The following KCNN2 variants were observed in gnomAD, a reference collection of about 807,000 sequenced individuals.
KCNN2 encodes potassium calcium-activated channel subfamily N member 2.
Under a neutral mutation model 55.5 loss-of-function variants are expected in KCNN2, and 24 were observed. The observed-to-expected ratio is 0.43, with a 90% CI of 0.31 to 0.61. KCNN2 has a LOEUF of 0.61. Ranked by LOEUF, KCNN2 falls within the 20% of genes least tolerant of loss-of-function variation. The pLI is 0.08. For synonymous variants in KCNN2, 431 were observed against 336.1 expected (o/e 1.28, Z -3.09); for missense variants, 754 against 853.6 (o/e 0.88, Z 1.45).
chr5:114,183,635 T>C (rs1486251271), intron 1 of KCNN2, among the ~76,000 whole-genome samples: 1 of 152,100 alleles, frequency 6.6e-6, no homozygotes, highest in African/African-American at 2.4e-5. Context: ...GTAAAATTAT[T>C]CATAATATAC....
chr5:114,433,677 C>G (rs1342573921), intron 3 of KCNN2: 1 of 152,444 alleles, frequency 6.6e-6, no homozygotes, highest in Non-Finnish European at 1.5e-5. Flanking sequence ...AGCCCACGAG[C>G]CCACAGGGAG....
chr5:114,149,195 T>TTTA (rs1002746771), intron 1 of KCNN2, among the ~76,000 whole-genome samples: 28 of 152,206 alleles, frequency 1.8e-4, no homozygotes, highest in African/African-American at 6.5e-4. Flanking sequence ...TGTCCCATAA[T>TTTA]AACCCTGGAA....
rs188886326 is a variant in KCNN2 at position 114,460,160 on chromosome 5, A to G, written c.1638-2889A>G. ...AGGTACCCCCTAGAAATCTTTGTTT[A>G]TCGTATGAAATCTCTTACTTCTCTT... On this transcript the variant is annotated intron_variant, in intron 3 of 7. Transcript: ENST00000673685. Among the ~76,000 whole-genome samples, 7 of 152,280 alleles carry G rather than the reference A, an allele frequency of 4.6e-5. No individual in the cohort carries two copies. The East Asian group carries it at 9.7e-4, about 21-fold the overall frequency.
intron 3 of KCNN2, among the ~76,000 whole-genome samples, chr5:114,408,001 T>C (rs1758992771): frequency 6.6e-6 from 1 of 152,196 alleles, no homozygotes; most frequent in South Asian, 2.1e-4. Context: ...TATGCCTTTT[T>C]TGAACCTGTC....
intron 3 of KCNN2, among the ~76,000 whole-genome samples, chr5:114,446,145 A>C (rs1479991903): frequency 6.6e-6 from 1 of 152,200 alleles, no homozygotes; most frequent in Non-Finnish European, 1.5e-5. Context: ...AAATGAGTCT[A>C]AACTCATTTC....
At chr5:114,480,205 C>T (rs989832760) in intron 5 of KCNN2, among the ~76,000 whole-genome samples, 35 of 152,110 alleles carry the variant, frequency 2.3e-4, no homozygotes, top group Non-Finnish European at 3.2e-4. Context: ...GAAATACAGA[C>T]GACCATCAGA....
intron 3 of KCNN2, among the ~76,000 whole-genome samples, chr5:114,462,386 T>C (rs1415010887): frequency 1.3e-5 from 2 of 152,206 alleles, no homozygotes; most frequent in African/African-American, 4.8e-5. Flanking sequence ...AGACAACTTC[T>C]ATTAAGCTCT....
intron 5 of KCNN2, among the ~76,000 whole-genome samples, chr5:114,483,486 C>T (rs1017809694): frequency 7.9e-5 from 12 of 151,846 alleles, no homozygotes; most frequent in African/African-American, 2.4e-4. Context: ...ATGTTGGCCA[C>T]GCTGGTCAAA....
intron 1 of KCNN2, among the ~76,000 whole-genome samples, chr5:114,155,267 T>C (rs928864486): frequency 2.6e-5 from 4 of 152,318 alleles, no homozygotes; most frequent in Admixed American, 1.3e-4. Flanking sequence ...ATGTACCACA[T>C]TTTCTTTATC....
chr5:114,056,358 A>T (rs972057973), exon 1 of KCNN2: 1 of 398,430 alleles, frequency 2.5e-6, no homozygotes, highest in African/African-American at 2.1e-5. Context: ...AGATGGAAAC[A>T]GTTTCTCCCG....
rs190840953 is a variant in KCNN2 at position 114,145,466 on chromosome 5, A to T, written c.-270-76014A>T. 1.2e-4 allele frequency among the ~76,000 whole-genome samples: 18 copies of T among 152,312 alleles called. No individual in the cohort carries two copies. In the East Asian group the frequency reaches 3.3e-3, roughly 28 times the overall value. The stretch of plus-strand genomic sequence containing the variant: ...ATTTTGATCTGCCTTAGAAGTTTTA[A>T]TGAGAGCCCTGATACCAAGTGTCCT... On this transcript the variant is annotated intron_variant, in intron 1 of 10. Transcript: ENST00000512097.
chr5:114,167,239 C>G (rs4582265), intron 1 of KCNN2, among the ~76,000 whole-genome samples: 66,194 of 151,790 alleles, frequency 0.44, 15,267 homozygotes, highest in Middle Eastern at 0.55. Context: ...ATAAGCCATC[C>G]CTGGTGTGCC....
Position 114,228,309 on chromosome 5 carries a change from A to G in KCNN2, c.-185+6744A>G, listed in dbSNP as rs1049085225. Among the ~76,000 whole-genome samples the G allele has an allele frequency of 3.3e-5, 5 of 152,250 alleles. No homozygotes were observed. The East Asian group carries it at 9.6e-4, about 29-fold the overall frequency. ...GGTTCTGTTACATGAAGTAAACAAT[A>G]GATTTATGTAACAGCATGTAGAGTA... On this transcript the variant is annotated intron_variant, in intron 2 of 10. Coordinates refer to the KCNN2 transcript ENST00000512097.
At chr5:114,168,780 A>C (rs1174657606) in intron 1 of KCNN2, among the ~76,000 whole-genome samples, 1 of 152,110 alleles carries the variant, frequency 6.6e-6, no homozygotes, top group African/African-American at 2.4e-5. Context: ...ATATATGGCT[A>C]GTGGATCCAA....
At chr5:114,213,286 G>T (rs573756861) in intron 1 of KCNN2, among the ~76,000 whole-genome samples, 13 of 151,764 alleles carry the variant, frequency 8.6e-5, no homozygotes, top group Non-Finnish European at 1.8e-4. Flanking sequence ...CCTATTTGCT[G>T]TTTCAATTTG....
At chr5:114,443,635 G>T (rs1580841986) in intron 3 of KCNN2, among the ~76,000 whole-genome samples, 1 of 152,170 alleles carries the variant, frequency 6.6e-6, no homozygotes, top group East Asian at 1.9e-4. Context: ...TTATTTTTCT[G>T]CCCTCAGGGG....
At chr5:114,484,306 G>C (rs1056402957) in intron 5 of KCNN2, among the ~76,000 whole-genome samples, 1 of 152,008 alleles carries the variant, frequency 6.6e-6, no homozygotes, top group Admixed American at 6.6e-5. Flanking sequence ...AGGATACAAA[G>C]GAAACTTTCC....
chr5:114,154,880 T>A (rs1195793966), intron 1 of KCNN2, among the ~76,000 whole-genome samples: 1 of 152,198 alleles, frequency 6.6e-6, no homozygotes, highest in African/African-American at 2.4e-5. Context: ...CTAGGGAACA[T>A]TCTTTTTTTT....
intron 2 of KCNN2, among the ~76,000 whole-genome samples, chr5:114,232,838 G>A (rs1754388717): frequency 6.7e-6 from 1 of 149,974 alleles, no homozygotes; most frequent in Non-Finnish European, 1.5e-5. Flanking sequence ...ATTGATTAGT[G>A]GTGCTGATCA....
Sources: gnomAD v4.1 joint callset for allele counts (sites outside exome capture counted in the v4.1 genomes callset) on GRCh38, gnomAD v4.1.1 for gene constraint, MANE v1.5 for transcripts, NCBI Gene and HGNC (gene_info 2026-07-23, HGNC 2026-07-21) for gene names.